SEC63: variants seen among roughly 807,000 people sequenced by gnomAD.
The protein encoded by SEC63 is SEC63 protein translocation regulator.
Under a neutral mutation model 116.2 loss-of-function variants are expected in SEC63, and 56 were observed. That is an observed-to-expected ratio of 0.48 (90% CI 0.39 to 0.60). The LOEUF (loss-of-function observed/expected upper bound fraction) is 0.60. Among genes scored for constraint, SEC63 ranks in the 20% least tolerant of loss-of-function variants. SEC63 has a pLI of 0.00. For synonymous variants in SEC63, 273 were observed against 294.6 expected (o/e 0.93, Z 0.75); for missense variants, 668 against 900.0 (o/e 0.74, Z 3.30).
chr6:107,886,228 A>G (rs1786525508), intron 16 of SEC63, among the ~76,000 whole-genome samples: 1 of 152,130 alleles, frequency 6.6e-6, no homozygotes, highest in African/African-American at 2.4e-5. Flanking sequence ...CATGGTGTAT[A>G]TGTGCCACAT....
At chr6:107,903,044 T>C in intron 11 of SEC63, 46 bp from the exon 12 acceptor site, 5 of 1,598,070 alleles carry the variant, frequency 3.1e-6, no homozygotes, top group Non-Finnish European at 4.3e-6. Flanking sequence ...ACTTTTTACA[T>C]GTTCAGGAGT....
Position 107,871,480 on chromosome 6 carries a change from T to C in SEC63, c.*224A>G. On this transcript the variant is annotated 3_prime_UTR_variant, in exon 21 of 21. Transcript: ENST00000369002. ...GATTTATTATCATTTGCAGATGAAA[T>C]AAATGTACCATCCCCTACTTGAAAG... 1.8e-6 allele frequency: 1 copy of C among 563,110 alleles called. No individual in the cohort carries two copies. The highest frequency in any genetic ancestry group is 2.0e-5 in the South Asian group (1 of 51,074). 34.9% of individuals were successfully genotyped at this position (563,110 alleles called of 1,614,324 possible). A position where few individuals can be genotyped will look rare whatever the true frequency, so the allele number is the denominator to read the frequency against.
chr6:107,898,807 T>C (rs925078877), intron 13 of SEC63, among the ~76,000 whole-genome samples: 1 of 152,216 alleles, frequency 6.6e-6, no homozygotes, highest in African/African-American at 2.4e-5. Context: ...TCTTCTTACA[T>C]GTTTTTACCT....
intron 18 of SEC63, among the ~76,000 whole-genome samples, chr6:107,879,023 TA>T (rs1786344727): frequency 6.6e-6 from 1 of 152,226 alleles, no homozygotes; most frequent in Non-Finnish European, 1.5e-5. Flanking sequence ...CTTAACGCAT[TA>T]AATACAATAG....
chr6:107,921,413 T>C (rs561730615), intron 4 of SEC63, among the ~76,000 whole-genome samples: 20 of 152,218 alleles, frequency 1.3e-4, no homozygotes, highest in African/African-American at 4.8e-4. Flanking sequence ...AAAAAGTGTA[T>C]GACAACTATT....
intron 4 of SEC63, among the ~76,000 whole-genome samples, chr6:107,915,227 A>T (rs1266401794): frequency 1.3e-5 from 2 of 152,178 alleles, no homozygotes; most frequent in Admixed American, 6.5e-5. Context: ...ATATCCCTTA[A>T]TTTTTTGGGG....
At chr6:107,874,447 T>C (rs1281014676) in intron 19 of SEC63, among the ~76,000 whole-genome samples, 1 of 151,636 alleles carries the variant, frequency 6.6e-6, no homozygotes, top group Non-Finnish European at 1.5e-5. Flanking sequence ...ATATAAAAAA[T>C]TAGCTGGGTG....
intron 1 of SEC63, among the ~76,000 whole-genome samples, chr6:107,939,276 T>A (rs1371099315): frequency 1.3e-5 from 2 of 152,042 alleles, no homozygotes; most frequent in Admixed American, 1.3e-4. Flanking sequence ...CATGAGACGG[T>A]GTCTCAAAGA....
intron 12 of SEC63, 116 bp downstream of exon 12, chr6:107,902,728 A>C: frequency 1.0e-6 from 1 of 971,338 alleles, no homozygotes; most frequent in South Asian, 1.4e-5. Context: ...AGAGTATTTA[A>C]GACATTCTAA....
intron 8 of SEC63, among the ~76,000 whole-genome samples, chr6:107,907,213 G>A (rs537886608): frequency 6.6e-6 from 1 of 152,226 alleles, no homozygotes; most frequent in African/African-American, 2.4e-5. Context: ...AACCTAATAT[G>A]CATTATAATT....
At chr6:107,882,875 A>T in intron 17 of SEC63, 113 bp downstream of exon 17, 1 of 692,592 alleles carries the variant, frequency 1.4e-6, no homozygotes, top group Admixed American at 2.4e-5. Flanking sequence ...TACAGATATT[A>T]TTTAAAGAAA....
At chr6:107,940,559 C>T (rs934268140) in intron 1 of SEC63, among the ~76,000 whole-genome samples, 1 of 152,026 alleles carries the variant, frequency 6.6e-6, no homozygotes, top group Non-Finnish European at 1.5e-5. Flanking sequence ...CAAAAAAAAT[C>T]TTCAGAAATT....
intron 16 of SEC63, among the ~76,000 whole-genome samples, chr6:107,885,336 T>C (rs543127050): frequency 6.6e-6 from 1 of 152,334 alleles, no homozygotes; most frequent in Non-Finnish European, 1.5e-5. Context: ...AGGTCAATAT[T>C]TAGAAGCAAC....
intron 18 of SEC63, among the ~76,000 whole-genome samples, chr6:107,879,400 T>TACCGCA (rs1267652311): frequency 1.3e-5 from 2 of 151,292 alleles, no homozygotes; most frequent in East Asian, 3.9e-4. Context: ...AATCTCAGCT[T>TACCGCA]ACCGCAACCT....
In SEC63 at chr6:107,941,258, C is replaced by G. The variant is rs116141105; in HGVS notation, c.125-11744G>C. On this transcript the variant is annotated intron_variant, in intron 1 of 20. Transcript: ENST00000369002. Reference sequence around the variant, plus strand: ...TACAAATTCATAAAGAAAATTTGAGCCTGGGCAACATAGCAAGACCTCATC... The same window carrying G: ...TACAAATTCATAAAGAAAATTTGAGGCTGGGCAACATAGCAAGACCTCATC... Among the ~76,000 whole-genome samples the G allele has an allele frequency of 6.8e-3, 1,033 of 152,058 alleles. 16 individuals carry two copies. The highest frequency in any genetic ancestry group is 0.024 in the African/African-American group (998 of 41,502).
In SEC63 at chr6:107,881,971, C is replaced by T. The variant is rs73762092; in HGVS notation, c.1834-721G>A. On this transcript the variant is annotated intron_variant, in intron 17 of 20. Coordinates refer to ENST00000369002, the MANE Select transcript of SEC63 (RefSeq NM_007214.5). ...TCTGTCAAAACCCTAAGAGTCACTG[C>T]TACTTACCCTAATATACTTAGGAAT... 3.0e-3 allele frequency among the ~76,000 whole-genome samples: 457 copies of T among 152,252 alleles called. 4 individuals carry two copies. The highest frequency in any genetic ancestry group is 0.01 in the African/African-American group (435 of 41,560).
intron 7 of SEC63, among the ~76,000 whole-genome samples, chr6:107,910,569 T>C (rs1008066022): frequency 3.3e-5 from 5 of 151,988 alleles, no homozygotes; most frequent in African/African-American, 1.2e-4. Context: ...GTCATACATA[T>C]ACACGTGTCA....
intron 20 of SEC63, among the ~76,000 whole-genome samples, 164 bp downstream of exon 20, chr6:107,872,644 A>G (rs1219874239): frequency 6.6e-6 from 1 of 152,162 alleles, no homozygotes; most frequent in Non-Finnish European, 1.5e-5. Flanking sequence ...CTAAAACCTT[A>G]AGTTTATTAT....
chr6:107,948,604 C>T (rs1044839639), intron 1 of SEC63, among the ~76,000 whole-genome samples: 2 of 152,224 alleles, frequency 1.3e-5, no homozygotes, highest in African/African-American at 4.8e-5. Flanking sequence ...TTGGTTTGTA[C>T]CTCCATGTTG....
Sources: gnomAD v4.1 joint callset for allele counts (sites outside exome capture counted in the v4.1 genomes callset) on GRCh38, gnomAD v4.1.1 for gene constraint, MANE v1.5 for transcripts, NCBI Gene and HGNC (gene_info 2026-07-23, HGNC 2026-07-21) for gene names.